The following NDUFA3 variants were observed in gnomAD, a reference collection of about 807,000 sequenced individuals.
The protein encoded by NDUFA3 is NADH dehydrogenase [ubiquinone] 1 alpha subcomplex subunit 3.
In NDUFA3, 10 loss-of-function variants were observed where a neutral mutation model predicts 11.4. The ratio of observed to expected loss-of-function variants is 0.87; its 90% CI spans 0.54 to 1.48. The LOEUF (loss-of-function observed/expected upper bound fraction) is 1.48. NDUFA3 is among the 40% of genes most tolerant of loss of function. NDUFA3 has a pLI of 0.00. For synonymous variants in NDUFA3, 39 were observed against 46.9 expected, an observed-to-expected ratio of 0.83 and a Z score of 0.68; for missense variants, 115 against 110.5, an observed-to-expected ratio of 1.04 and a Z score of -0.18.
chr19:54,106,119 G>C (rs2073252700), intron 3 of NDUFA3, 108 bp downstream of exon 3: 4 of 1,006,634 alleles, frequency 4.0e-6, no homozygotes, highest in Middle Eastern at 2.1e-4. Context: ...AGATTCTGCA[G>C]TGGTGCCCGG....
At chr19:54,102,920 C>T (rs780270740) in intron 1 of NDUFA3, 32 bp downstream of exon 1, 5 of 1,606,804 alleles carry the variant, frequency 3.1e-6, no homozygotes, top group African/African-American at 1.3e-5. Flanking sequence ...GCACGGGGCT[C>T]GGGTAGTTCT....
At chr19:54,105,247 T>TCC (rs1418594263) in intron 2 of NDUFA3, among the ~76,000 whole-genome samples, 1 of 135,718 alleles carries the variant, frequency 7.4e-6, no homozygotes, top group African/African-American at 2.7e-5. Flanking sequence ...CAACCCTTTC[T>TCC]CCTCCAGTTT....
chr19:54,106,595 T>C (rs2073267592), intron 3 of NDUFA3: 1 of 488,540 alleles, frequency 2.0e-6, no homozygotes, highest in Non-Finnish European at 3.6e-6. Flanking sequence ...ACCCTAGCTC[T>C]CTAGTGCGCG....
Position 54,103,151 on chromosome 19 carries a change from G to T in NDUFA3, c.48G>T (p.Glu16Asp), listed in dbSNP as rs1249935582. ...TCCTCAAGAATGCCTGGGACAAGGA[G>T]CCAGTGCTGGTCGTGTCCTTCGTCG... Reference protein sequence around the residue: ...GAFLKNAWDKEPVLVVSFVVG... With the variant: ...GAFLKNAWDKDPVLVVSFVVG... Residue 16 changes from glutamate (E) to aspartate (D), a missense_variant, in exon 2 of 4, where the codon GAG becomes GAT. Glu to Asp is a conservative substitution (Grantham distance 45). Transcript: ENST00000485876. 2 of 1,609,224 alleles carry T rather than the reference G, an allele frequency of 1.2e-6. No homozygotes were observed. Among genetic ancestry groups the T allele is most frequent in the African/African-American group, 2.7e-5 (2 of 74,796 alleles).
chr19:54,107,416 GT>G lies in NDUFA3; in HGVS notation c.*520del. The G allele has an allele frequency of 1.9e-6, 1 of 525,174 alleles. No individual in the cohort carries two copies. The highest frequency in any genetic ancestry group is 3.3e-6 in the Non-Finnish European group (1 of 298,832). 32.5% of individuals were successfully genotyped at this position (525,174 alleles called of 1,614,324 possible). On this transcript the variant is annotated 3_prime_UTR_variant, in exon 4 of 4. Transcript: ENST00000485876. ...GGCACTTGCCAACCAAGCCTAACATGTTTTTTCTTTTTGGTAGAGATGGGGT... is the reference window on the plus strand; with the variant it reads ...GGCACTTGCCAACCAAGCCTAACATGTTTTTCTTTTTGGTAGAGATGGGGT...
Position 54,107,543 on chromosome 19 carries a change from C to A in NDUFA3, c.*641C>A. On this transcript the variant is annotated 3_prime_UTR_variant, in exon 4 of 4. Transcript: ENST00000485876. Reference sequence around the variant, plus strand: ...GGATTACAGGCATGAGCCACTGCACCTGGCCAGCCTCACAGTTCTTGTCTG... The same window carrying A: ...GGATTACAGGCATGAGCCACTGCACATGGCCAGCCTCACAGTTCTTGTCTG... 3.4e-6 allele frequency: 1 copy of A among 298,262 alleles called. No homozygotes were observed. The allele number at this position is 298,262 out of a possible 1,614,324, so 18.5% of individuals were successfully genotyped here. A position where few individuals can be genotyped will look rare whatever the true frequency, so the allele number is the denominator to read the frequency against.
chr19:54,106,428 C>G (rs2073262301), intron 3 of NDUFA3: 2 of 330,450 alleles, frequency 6.1e-6, no homozygotes, highest in South Asian at 4.1e-5. Flanking sequence ...CTCGGCCTCC[C>G]AAAGTGCTGG....
rs1218936199 is a variant in NDUFA3, at chr19:54,106,861, G to C, written c.214G>C (p.Asp72His). 1 of 1,613,620 alleles carries C rather than the reference G, an allele frequency of 6.2e-7. No individual in the cohort carries two copies. Among genetic ancestry groups the C allele is most frequent in the Non-Finnish European group, 8.5e-7 (1 of 1,179,928 alleles). ...GCCCGACGTGCCCAGCCACCCCCAGGACCCTCAGGGCCCCAGCCTGGAGTG... is the reference window on the plus strand; with the variant it reads ...GCCCGACGTGCCCAGCCACCCCCAGCACCCTCAGGGCCCCAGCCTGGAGTG... The part of the protein sequence containing the change: ...NMPDVPSHPQ[D>H]PQGPSLEWLK... Residue 72 changes from aspartate to histidine, a missense_variant, in exon 4 of 4, where the codon GAC becomes CAC. Asp to His is a moderately conservative substitution (Grantham distance 81). Coordinates refer to ENST00000485876, the MANE Select transcript of NDUFA3 (RefSeq NM_004542.4).
At chr19:54,106,620 CTA>C in intron 3 of NDUFA3, 189 bp from the exon 4 acceptor site, 2 of 511,572 alleles carry the variant, frequency 3.9e-6, no homozygotes, top group Non-Finnish European at 6.8e-6. Context: ...CTCTCCCTCG[CTA>C]TCTCTCTGGT....
intron 2 of NDUFA3, among the ~76,000 whole-genome samples, chr19:54,104,291 C>CCA (rs1204194339): frequency 6.6e-6 from 1 of 151,930 alleles, no homozygotes; most frequent in East Asian, 1.9e-4. Flanking sequence ...GCGAGCACCA[C>CCA]CACGCCCGGC....
intron 2 of NDUFA3, among the ~76,000 whole-genome samples, chr19:54,105,415 C>T (rs771811301): frequency 4.6e-5 from 7 of 151,586 alleles, no homozygotes; most frequent in African/African-American, 1.5e-4. Context: ...ATTACAGGCT[C>T]CTGCCACCAC....
In NDUFA3 at chr19:54,106,985, G is replaced by T. The variant is rs1396643333; in HGVS notation, c.*83G>T. On this transcript the variant is annotated 3_prime_UTR_variant, in exon 4 of 4. Transcript: ENST00000485876. ...AACCCCCGAACGTGAGCATGTGTGT[G>T]ATCAGAGGTGGGAACAAGTAGACGG... 12 of 1,604,444 alleles carry T rather than the reference G, an allele frequency of 7.5e-6. No homozygotes were observed. The highest frequency in any genetic ancestry group is 9.4e-6 in the Non-Finnish European group (11 of 1,174,126).
At chr19:54,102,976 G>A in intron 1 of NDUFA3, 88 bp downstream of exon 1, 2 of 1,561,858 alleles carry the variant, frequency 1.3e-6, no homozygotes, top group South Asian at 2.3e-5. Flanking sequence ...CAGGGCAGGG[G>A]TGGAAGCGAT....
chr19:54,106,130 A>AC, intron 3 of NDUFA3, 119 bp downstream of exon 3: 3 of 870,346 alleles, frequency 3.4e-6, no homozygotes, highest in East Asian at 2.6e-5. Context: ...TGGTGCCCGG[A>AC]CCCCCCGTTC....
In NDUFA3 at chr19:54,106,863, C is replaced by G; in HGVS notation, c.216C>G (p.Asp72Glu). The G allele has an allele frequency of 6.2e-7, 1 of 1,613,620 alleles. No individual in the cohort carries two copies. The change falls in exon 4 of 4, where the codon GAC becomes GAG. Residue 72 changes from aspartate to glutamate, a missense_variant. Coordinates refer to ENST00000485876, the MANE Select transcript of NDUFA3 (RefSeq NM_004542.4). ...CCGACGTGCCCAGCCACCCCCAGGA[C>G]CCTCAGGGCCCCAGCCTGGAGTGGC... ...NMPDVPSHPQ[D>E]PQGPSLEWLK...
chr19:54,102,894 T>C lies in NDUFA3; in HGVS notation c.10+6T>C. 1.2e-6 allele frequency: 2 copies of C among 1,610,274 alleles called. No individual in the cohort carries two copies. Among genetic ancestry groups the C allele is most frequent in the Non-Finnish European group, 1.7e-6 (2 of 1,177,910 alleles). On this transcript the variant is annotated splice_donor_region_variant and intron_variant, in intron 1 of 3. Transcript: ENST00000485876. ...GGAGACAAAGATGGCTGCGAGTAAG[T>C]GCAGGTGCCGGTGGCGCACGGGGCT...
intron 3 of NDUFA3, chr19:54,106,283 C>T: frequency 2.1e-6 from 1 of 474,444 alleles, no homozygotes; most frequent in Non-Finnish European, 3.8e-6. Flanking sequence ...ACTGCAAGCT[C>T]AGCCTCCCGA....
At chr19:54,106,654 G>A (rs1483557038) in intron 3 of NDUFA3, 157 bp from the exon 4 acceptor site, 9 of 573,484 alleles carry the variant, frequency 1.6e-5, no homozygotes, top group African/African-American at 1.3e-4. Context: ...CTCAGTCTCT[G>A]TATTTCCCGC....
chr19:54,105,425 C>A (rs190223004), intron 2 of NDUFA3, among the ~76,000 whole-genome samples: 1 of 151,750 alleles, frequency 6.6e-6, no homozygotes, highest in East Asian at 1.9e-4. Flanking sequence ...CCTGCCACCA[C>A]GCCCGGCTAA....
Sources: allele counts gnomAD v4.1 joint callset (sites outside exome capture counted in the v4.1 genomes callset), GRCh38; gene constraint gnomAD v4.1.1; transcripts MANE v1.5; gene names NCBI Gene and HGNC (gene_info 2026-07-23, HGNC 2026-07-21).